CYP39A1: variants seen among roughly 807,000 people sequenced by gnomAD.
The protein encoded by CYP39A1 is cytochrome P450 family 39 subfamily A member 1.
A neutral mutation model predicts 58.1 loss-of-function variants in CYP39A1; 49 were observed. The observed-to-expected ratio is 0.84, with a 90% CI of 0.67 to 1.07. The LOEUF is 1.07. CYP39A1 is among the 50% of genes least tolerant of loss of function. CYP39A1 has a pLI of 0.00. For synonymous variants in CYP39A1, 209 were observed against 187.6 expected, an observed-to-expected ratio of 1.11 and a Z score of -0.93; for missense variants, 531 against 539.4, an observed-to-expected ratio of 0.98 and a Z score of 0.16.
At chr6:46,597,084 G>A (rs1474131146) in intron 7 of CYP39A1, among the ~76,000 whole-genome samples, 2 of 152,056 alleles carry the variant, frequency 1.3e-5, no homozygotes, top group Non-Finnish European at 2.9e-5. Flanking sequence ...AGCCCATTTT[G>A]CAGGAAAAGG....
At chr6:46,633,754 G>C (rs1382693144) in intron 5 of CYP39A1, among the ~76,000 whole-genome samples, 1 of 151,958 alleles carries the variant, frequency 6.6e-6, no homozygotes, top group Admixed American at 6.6e-5. Flanking sequence ...CTACTCGGGA[G>C]GCTGAAGCAG....
intron 10 of CYP39A1, among the ~76,000 whole-genome samples, chr6:46,567,995 TTA>T (rs1491118365): frequency 1.5e-3 from 203 of 139,800 alleles, no homozygotes; most frequent in Middle Eastern, 3.7e-3. Flanking sequence ...ACATTTTTTT[TTA>T]AAAAAAAAAC....
chr6:46,570,999 T>TATGTTGTTTA (rs1247556927), intron 10 of CYP39A1, among the ~76,000 whole-genome samples: 2 of 152,228 alleles, frequency 1.3e-5, no homozygotes, highest in Admixed American at 1.3e-4. Context: ...CATTCAGTAG[T>TATGTTGTTTA]ATGTTGTTTA....
chr6:46,580,741 T>TA (rs1772088835), intron 10 of CYP39A1, among the ~76,000 whole-genome samples: 2 of 151,936 alleles, frequency 1.3e-5, no homozygotes, highest in Admixed American at 6.6e-5. Flanking sequence ...AACAAGTATA[T>TA]AAAAAACTGT....
intron 10 of CYP39A1, among the ~76,000 whole-genome samples, chr6:46,568,289 A>T (rs959965190): frequency 6.6e-6 from 1 of 152,022 alleles, no homozygotes; most frequent in African/African-American, 2.4e-5. Flanking sequence ...TCTATGCATA[A>T]TGGAAACTAA....
intron 1 of CYP39A1, among the ~76,000 whole-genome samples, chr6:46,642,812 C>T (rs760408571): frequency 6.6e-6 from 1 of 152,198 alleles, no homozygotes; most frequent in Non-Finnish European, 1.5e-5. Flanking sequence ...TGCCCAACCT[C>T]TCCATTCTGA....
At chr6:46,565,232 A>C (rs957868706) in intron 10 of CYP39A1, among the ~76,000 whole-genome samples, 1 of 152,170 alleles carries the variant, frequency 6.6e-6, no homozygotes, top group African/African-American at 2.4e-5. Context: ...ATGATGAAAA[A>C]AAAATATGTT....
chr6:46,553,761 A>G lies in CYP39A1; in HGVS notation c.1338+6T>C. On this transcript the variant is annotated splice_donor_region_variant and intron_variant, in intron 11 of 11. Transcript: ENST00000275016. Reference sequence around the variant, plus strand: ...TCATGATACTCAAAATTCTGAAAACACTTACCTGTTTGGGTAATGGGTCCA... The same window carrying G: ...TCATGATACTCAAAATTCTGAAAACGCTTACCTGTTTGGGTAATGGGTCCA... The G allele has an allele frequency of 6.3e-7, 1 of 1,590,072 alleles. No homozygotes were observed. Among genetic ancestry groups the G allele is most frequent in the East Asian group, 2.2e-5 (1 of 44,600 alleles).
Position 46,642,186 on chromosome 6 carries a change from A to T in CYP39A1, c.290T>A (p.Val97Glu). Residue 97 changes from valine to glutamate, a missense_variant, in exon 2 of 12, where the codon GTG (valine) becomes GAG (glutamate). Val to Glu is a moderately radical substitution (Grantham distance 121). Transcript: ENST00000275016. ...ACCTGTACGATAAACGATATTTTGC[A>T]CTGCTAGTTCAAAATCTACTTTTTT... ...KSKKVDFELA[V>E]QNIVYRTASI... 6.2e-7 allele frequency: 1 copy of T among 1,612,892 alleles called. No homozygotes were observed. The highest frequency in any genetic ancestry group is 8.5e-7 in the Non-Finnish European group (1 of 1,179,366).
chr6:46,586,554 A>G (rs1772482732), intron 10 of CYP39A1: 2 of 985,404 alleles, frequency 2.0e-6, no homozygotes, highest in African/African-American at 1.7e-5. Flanking sequence ...GCATTAGAAC[A>G]GGGTATCACA....
intron 6 of CYP39A1, among the ~76,000 whole-genome samples, chr6:46,627,650 C>T (rs1000635107): frequency 2.6e-5 from 4 of 151,978 alleles, no homozygotes; most frequent in Non-Finnish European, 4.4e-5. Flanking sequence ...GATCTCCTGA[C>T]CTTGTGATCC....
chr6:46,568,865 A>G (rs756900401), intron 10 of CYP39A1, among the ~76,000 whole-genome samples: 1 of 151,960 alleles, frequency 6.6e-6, no homozygotes, highest in African/African-American at 2.4e-5. Flanking sequence ...TGTTTTGGCT[A>G]CTTGGGGTCC....
At chr6:46,570,795 A>G (rs907194445) in intron 10 of CYP39A1, among the ~76,000 whole-genome samples, 1 of 152,144 alleles carries the variant, frequency 6.6e-6, no homozygotes, top group Non-Finnish European at 1.5e-5. Context: ...ATTGCCATAG[A>G]AAGGCCCCAA....
chr6:46,572,442 C>T (rs1448855941), intron 10 of CYP39A1, among the ~76,000 whole-genome samples: 1 of 152,050 alleles, frequency 6.6e-6, no homozygotes, highest in Non-Finnish European at 1.5e-5. Context: ...CCAGATATAT[C>T]ATTGGTTTTC....
At chr6:46,642,512 C>T (rs2150599841) in intron 1 of CYP39A1, among the ~76,000 whole-genome samples, 1 of 152,128 alleles carries the variant, frequency 6.6e-6, no homozygotes, top group East Asian at 1.9e-4. Flanking sequence ...TCCCTTTGAT[C>T]ATTTTATTGC....
chr6:46,584,654 A>G (rs1772352879), intron 10 of CYP39A1, among the ~76,000 whole-genome samples: 2 of 152,270 alleles, frequency 1.3e-5, no homozygotes, highest in Middle Eastern at 3.4e-3. Flanking sequence ...GGCCTTTTCA[A>G]TTGGGCCAGT....
chr6:46,621,509 A>T (rs1174322016), intron 7 of CYP39A1, among the ~76,000 whole-genome samples: 1 of 152,156 alleles, frequency 6.6e-6, no homozygotes, highest in Non-Finnish European at 1.5e-5. Flanking sequence ...TACAGAAATA[A>T]AATGGATTGT....
chr6:46,645,793 A>G (rs1230491761), intron 1 of CYP39A1, among the ~76,000 whole-genome samples: 1 of 152,146 alleles, frequency 6.6e-6, no homozygotes, highest in Non-Finnish European at 1.5e-5. Context: ...TCCAATCAGG[A>G]ACACAGTATG....
At chr6:46,615,686 C>T (rs749226005) in intron 7 of CYP39A1, among the ~76,000 whole-genome samples, 38 of 151,734 alleles carry the variant, frequency 2.5e-4, no homozygotes, top group Non-Finnish European at 4.9e-4. Flanking sequence ...CTTCTTCCAA[C>T]CTAATATTAA....
Sources: gnomAD v4.1 joint callset for allele counts (sites outside exome capture counted in the v4.1 genomes callset) on GRCh38, gnomAD v4.1.1 for gene constraint, MANE v1.5 for transcripts, NCBI Gene and HGNC (gene_info 2026-07-23, HGNC 2026-07-21) for gene names.